Variants in HIVEP3 observed in about 807,000 individuals in gnomAD.
The protein encoded by HIVEP3 is transcription factor HIVEP3.
HIVEP3 carries 49 observed loss-of-function variants against 152.8 expected under a neutral mutation model. The ratio of observed to expected loss-of-function variants is 0.32; its 90% CI spans 0.26 to 0.41. HIVEP3 has a LOEUF of 0.41. Ranked by LOEUF, HIVEP3 falls within the 10% of genes least tolerant of loss-of-function variation. HIVEP3 has a pLI of 1.00. For missense variants in HIVEP3, 2,790 were observed against 3,103.3 expected (o/e 0.90, Z 2.40); for synonymous variants, 1,269 against 1,289.0 (o/e 0.98, Z 0.33).
At chr1:41,792,497 T>C (rs1332237050) in intron 1 of HIVEP3, among the ~76,000 whole-genome samples, 1 of 152,170 alleles carries the variant, frequency 6.6e-6, no homozygotes, top group African/African-American at 2.4e-5. Context: ...TCCCCTGCCA[T>C]ACTTAGCAGG....
At chr1:41,915,070 G>C (rs970305632) in intron 1 of HIVEP3, among the ~76,000 whole-genome samples, 7 of 152,116 alleles carry the variant, frequency 4.6e-5, no homozygotes, top group African/African-American at 1.7e-4. Context: ...GTAAGCCACC[G>C]GCTATCCAGA....
chr1:41,638,340 G>A (rs1165146908), intron 2 of HIVEP3, among the ~76,000 whole-genome samples: 1 of 41,198 alleles, frequency 2.4e-5, no homozygotes, highest in East Asian at 5.9e-4. Flanking sequence ...GAAAGGGAGA[G>A]AGAGAGAAAG....
intron 1 of HIVEP3, among the ~76,000 whole-genome samples, chr1:41,905,395 C>T (rs912196171): frequency 1.3e-5 from 2 of 152,152 alleles, no homozygotes; most frequent in African/African-American, 4.8e-5. Context: ...GGCAACAGAG[C>T]AGTTGATGGA....
chr1:41,962,110 G>T (rs979116854), intron 1 of HIVEP3, among the ~76,000 whole-genome samples: 5 of 152,332 alleles, frequency 3.3e-5, no homozygotes, highest in Admixed American at 1.3e-4. Context: ...GTACATTAGG[G>T]TTATAAGTAA....
rs138516173 is a variant in HIVEP3, at chr1:41,567,196, G to A, written c.5207+8348C>T. Among the ~76,000 whole-genome samples, 778 of 152,262 alleles carry A rather than the reference G, an allele frequency of 5.1e-3. 4 individuals carry two copies. Among genetic ancestry groups the A allele is most frequent in the Non-Finnish European group, 6.6e-3 (447 of 68,016 alleles). ...ACTCAGTGGTTACTACAAGAAATAC[G>A]GTAGTCAGTCTCAAGTGGAGGCTTC... On this transcript the variant is annotated intron_variant, in intron 5 of 8. Coordinates refer to ENST00000372583, the MANE Select transcript of HIVEP3 (RefSeq NM_024503.5).
intron 1 of HIVEP3, among the ~76,000 whole-genome samples, chr1:41,898,333 G>C (rs75658109): frequency 2.0e-5 from 3 of 152,306 alleles, no homozygotes; most frequent in African/African-American, 7.2e-5. Flanking sequence ...TCTCCCTGGA[G>C]GGGGAGGGGG....
intron 1 of HIVEP3, among the ~76,000 whole-genome samples, chr1:41,819,787 T>C (rs910219619): frequency 6.6e-6 from 1 of 152,344 alleles, no homozygotes; most frequent in South Asian, 2.1e-4. Flanking sequence ...ATTTGCTACA[T>C]GATTAATTTT....
In HIVEP3 at chr1:41,590,915, T is replaced by A. The variant is rs141898197; in HGVS notation, c.-521-5597A>T. 9.9e-5 allele frequency among the ~76,000 whole-genome samples: 15 copies of A among 152,250 alleles called. No individual in the cohort carries two copies. The East Asian group carries it at 2.9e-3, about 29-fold the overall frequency. ...GCAGCTGAACCCTGGCTCCTCCACC[T>A]CCTAACTGATGGTCCCCTAATCTGG... On this transcript the variant is annotated intron_variant, in intron 3 of 8. Coordinates refer to ENST00000372583, the MANE Select transcript of HIVEP3 (RefSeq NM_024503.5).
At chr1:41,540,862 T>C (rs1452222902) in intron 5 of HIVEP3, among the ~76,000 whole-genome samples, 1 of 152,064 alleles carries the variant, frequency 6.6e-6, no homozygotes, top group African/African-American at 2.4e-5. Flanking sequence ...ACAATGTAAG[T>C]CTGGGGCAAA....
At chr1:41,975,635 A>T (rs1645255227) in intron 1 of HIVEP3, among the ~76,000 whole-genome samples, 1 of 152,258 alleles carries the variant, frequency 6.6e-6, no homozygotes, top group African/African-American at 2.4e-5. Flanking sequence ...GGTTAGGATG[A>T]GTCTATCTGA....
intron 1 of HIVEP3, among the ~76,000 whole-genome samples, chr1:41,854,061 G>A (rs968073074): frequency 1.3e-5 from 2 of 152,208 alleles, no homozygotes; most frequent in African/African-American, 2.4e-5. Context: ...TCACCCGGCT[G>A]TACCTAGGGC....
intron 1 of HIVEP3, among the ~76,000 whole-genome samples, chr1:41,974,841 G>T (rs1037842422): frequency 2.0e-5 from 3 of 150,348 alleles, no homozygotes; most frequent in African/African-American, 7.3e-5. Flanking sequence ...CTAGTACAGC[G>T]GTTGGCTCCA....
At chr1:42,016,873 T>A (rs528729122) in intron 1 of HIVEP3, among the ~76,000 whole-genome samples, 4 of 152,296 alleles carry the variant, frequency 2.6e-5, no homozygotes, top group Non-Finnish European at 5.9e-5. Context: ...TTAATTACTA[T>A]CCTGATATAT....
At position 41,513,260 on chromosome 1, in the gene HIVEP3, T is replaced by C; in HGVS notation, c.5961A>G (p.Leu1987=). ...SRPPLARKHS[L]TKNDSSPQRC... ...GCTGGGGAGATGAGTCGTTTTTGGTTAGCGAGTGTTTGCGGGCTAGTGGTG... is the reference window on the plus strand; with the variant it reads ...GCTGGGGAGATGAGTCGTTTTTGGTCAGCGAGTGTTTGCGGGCTAGTGGTG... Residue 1987 remains leucine, a synonymous_variant, in exon 8 of 9, where the codon CTA becomes CTG. Transcript: ENST00000372583. 1 of 1,613,426 alleles carries C rather than the reference T, an allele frequency of 6.2e-7. No homozygotes were observed. Among genetic ancestry groups the C allele is most frequent in the African/African-American group, 1.3e-5 (1 of 75,006 alleles).
chr1:41,777,294 C>G (rs1648763666), intron 1 of HIVEP3, among the ~76,000 whole-genome samples: 1 of 152,230 alleles, frequency 6.6e-6, no homozygotes, highest in Admixed American at 6.5e-5. Flanking sequence ...CGGGGACTCA[C>G]ACTGCCTCCT....
At chr1:41,814,699 A>C (rs1055059092) in intron 1 of HIVEP3, among the ~76,000 whole-genome samples, 3 of 152,230 alleles carry the variant, frequency 2.0e-5, no homozygotes, top group African/African-American at 7.2e-5. Flanking sequence ...TGCAACTGAA[A>C]GCTTTATTAT....
At chr1:41,721,127 T>C (rs982736843) in intron 1 of HIVEP3, among the ~76,000 whole-genome samples, 12 of 152,200 alleles carry the variant, frequency 7.9e-5, no homozygotes, top group Admixed American at 2.6e-4. Flanking sequence ...TGTGCAACAT[T>C]TGCCTATGAT....
intron 1 of HIVEP3, among the ~76,000 whole-genome samples, chr1:41,716,955 G>A (rs1385702115): frequency 3.3e-5 from 5 of 152,212 alleles, no homozygotes; most frequent in Non-Finnish European, 5.9e-5. Flanking sequence ...CTGCACGCAC[G>A]TTGTGGAAGA....
At chr1:41,993,303 G>A (rs1353479275) in intron 1 of HIVEP3, among the ~76,000 whole-genome samples, 1 of 151,004 alleles carries the variant, frequency 6.6e-6, no homozygotes, top group Non-Finnish European at 1.5e-5. Flanking sequence ...AAATTTACAA[G>A]AAAAAAACAA....
Sources: allele counts gnomAD v4.1 joint callset (sites outside exome capture counted in the v4.1 genomes callset), GRCh38; gene constraint gnomAD v4.1.1; transcripts MANE v1.5; gene names NCBI Gene and HGNC (gene_info 2026-07-23, HGNC 2026-07-21).